The following PKHD1 variants were observed in gnomAD, a reference collection of about 807,000 sequenced individuals.
The protein encoded by PKHD1 is fibrocystin.
Under a neutral mutation model 412.0 loss-of-function variants are expected in PKHD1, and 291 were observed. That is an observed-to-expected ratio of 0.71 (90% CI 0.64 to 0.78). The LOEUF is 0.78. Ranked by LOEUF, PKHD1 falls within the 30% of genes least tolerant of loss-of-function variation. PKHD1 has a pLI of 0.00. For missense variants in PKHD1, 4,825 were observed against 4,950.7 expected, an observed-to-expected ratio of 0.97 and a Z score of 0.76; for synonymous variants, 1,777 against 1,821.5, an observed-to-expected ratio of 0.98 and a Z score of 0.62.
rs757627773 is a variant in PKHD1, at chr6:51,909,339, A to C, written c.6626T>G (p.Leu2209Trp). 2 of 1,613,422 alleles carry C rather than the reference A, an allele frequency of 1.2e-6. No individual in the cohort carries two copies. Among genetic ancestry groups the C allele is most frequent in the Non-Finnish European group, 1.7e-6 (2 of 1,179,650 alleles). The change falls in exon 40 of 67, where the codon TTG becomes TGG. Residue 2209 changes from leucine to tryptophan, a missense_variant. By Grantham distance (61) the Leu-to-Trp change is moderately conservative (BLOSUM62 -2). Transcript: ENST00000371117. ...VQLKGVQFQVLGQAFHKHLSS... is the reference protein window; with the variant it reads ...VQLKGVQFQVWGQAFHKHLSS... ...CAGATGCTTATGGAAGGCTTGCCCC[A>C]AGACTTGAAACTGCACTCCCTTCAA...
At chr6:51,654,061 CA>C (rs1333949829) in intron 61 of PKHD1, among the ~76,000 whole-genome samples, 10 of 152,054 alleles carry the variant, frequency 6.6e-5, no homozygotes, top group Non-Finnish European at 1.2e-4. Context: ...ATTGGTTGCA[CA>C]GGAGTTTTAG....
intron 55 of PKHD1, among the ~76,000 whole-genome samples, chr6:51,758,362 CA>C (rs1180459693): frequency 6.6e-6 from 1 of 152,134 alleles, no homozygotes; most frequent in Non-Finnish European, 1.5e-5. Context: ...GTCTCAGTAT[CA>C]ATAGCCTAGT....
chr6:51,942,005 C>A (rs1444230388), intron 36 of PKHD1, among the ~76,000 whole-genome samples: 1 of 151,658 alleles, frequency 6.6e-6, no homozygotes, highest in Non-Finnish European at 1.5e-5. Flanking sequence ...TCAAACCCCA[C>A]CACCTTCTAC....
At chr6:51,938,745 C>CTCCT (rs1787932396) in intron 36 of PKHD1, among the ~76,000 whole-genome samples, 1 of 151,648 alleles carries the variant, frequency 6.6e-6, no homozygotes, top group African/African-American at 2.4e-5. Context: ...ATCCCCTGTC[C>CTCCT]TCCTGCTCTT....
intron 60 of PKHD1, among the ~76,000 whole-genome samples, chr6:51,678,642 ATG>A (rs893911685): frequency 5.3e-5 from 8 of 152,110 alleles, no homozygotes; most frequent in African/African-American, 1.7e-4. Flanking sequence ...GCCTGTGCAC[ATG>A]TGTCTATGAA....
At chr6:51,992,314 C>A (rs941421193) in intron 35 of PKHD1, among the ~76,000 whole-genome samples, 14 of 152,092 alleles carry the variant, frequency 9.2e-5, no homozygotes, top group African/African-American at 3.1e-4. Flanking sequence ...GTATTGAATA[C>A]CCTAATATGT....
intron 37 of PKHD1, among the ~76,000 whole-genome samples, chr6:51,930,344 CT>C (rs1265061660): frequency 9.0e-6 from 1 of 111,622 alleles, no homozygotes; most frequent in East Asian, 8.0e-4. Flanking sequence ...TCCTCATCTA[CT>C]CTCAAACAGA....
chr6:52,064,432 T>A lies in PKHD1; in HGVS notation c.976+523A>T, dbSNP rs890228111. Among the ~76,000 whole-genome samples, 4 of 152,218 alleles carry A rather than the reference T, an allele frequency of 2.6e-5. No individual in the cohort carries two copies. In the East Asian group the frequency reaches 7.7e-4, roughly 29 times the overall value. ...CCTCCATTTCTGCCCACTTCAGGCA[T>A]AACCTGGTGGCAACATCACAATATA... On this transcript the variant is annotated intron_variant, in intron 13 of 66. Transcript: ENST00000371117.
At chr6:51,740,306 T>C (rs1258609730) in intron 60 of PKHD1, among the ~76,000 whole-genome samples, 3 of 152,208 alleles carry the variant, frequency 2.0e-5, no homozygotes, top group Non-Finnish European at 4.4e-5. Context: ...TGGTTTTTGC[T>C]CCTAATATGA....
chr6:51,748,220 G>A lies in PKHD1; in HGVS notation c.9396C>T (p.Leu3132=). ...AGTTGTCAAGTCCACTTTCCTTATA[G>A]AGATGAAGGCCATGAAGACTTGAAT... is the stretch of plus-strand genomic sequence containing the variant. ...VAHSSLHGLH[L]YKESGLDNCT... The change falls in exon 58 of 67, where the codon CTC becomes CTT. Residue 3132 remains leucine, a synonymous_variant. Coordinates refer to ENST00000371117, the MANE Select transcript of PKHD1 (RefSeq NM_138694.4). The A allele has an allele frequency of 6.2e-7, 1 of 1,614,012 alleles. No individual in the cohort carries two copies. The highest frequency in any genetic ancestry group is 1.3e-5 in the African/African-American group (1 of 75,028).
Position 51,618,867 on chromosome 6 carries a change from T to C in PKHD1, c.*214A>G. 1 of 598,984 alleles carries C rather than the reference T, an allele frequency of 1.7e-6. No individual in the cohort carries two copies. Among genetic ancestry groups the C allele is most frequent in the Non-Finnish European group, 3.0e-6 (1 of 337,762 alleles). The allele number at this position is 598,984 out of a possible 1,614,324, so 37.1% of individuals were successfully genotyped here. On this transcript the variant is annotated 3_prime_UTR_variant, in exon 67 of 67. Transcript: ENST00000371117. ...TGCCATTATTTGCCTAGCATTGAAC[T>C]AGGATCATGATAGCTGCAAAATATG...
chr6:51,823,354 G>A (rs918254914), intron 52 of PKHD1, among the ~76,000 whole-genome samples: 1 of 152,128 alleles, frequency 6.6e-6, no homozygotes. Context: ...TCCTGGGGAC[G>A]TGTGCCCCTC....
intron 60 of PKHD1, among the ~76,000 whole-genome samples, chr6:51,666,714 T>G (rs909659736): frequency 1.7e-5 from 2 of 117,636 alleles, no homozygotes; most frequent in Non-Finnish European, 3.3e-5. Context: ...CCCACAACAG[T>G]CCCCAGAGTG....
At position 51,895,259 on chromosome 6, in the gene PKHD1, G is replaced by A. The variant is rs183751797; in HGVS notation, c.6997-8014C>T. 1.4e-3 allele frequency among the ~76,000 whole-genome samples: 216 copies of A among 152,284 alleles called. 3 individuals carry two copies. Among genetic ancestry groups the A allele is most frequent in the African/African-American group, 4.6e-3 (190 of 41,544 alleles). On this transcript the variant is annotated intron_variant, in intron 43 of 66. Coordinates refer to ENST00000371117, the MANE Select transcript of PKHD1 (RefSeq NM_138694.4). ...ACTTGAGACCAAGAGTTTGAGACTCGCCTAGGGAACACAGGTTTTTTTCAC... is the reference window on the plus strand; with the variant it reads ...ACTTGAGACCAAGAGTTTGAGACTCACCTAGGGAACACAGGTTTTTTTCAC...
intron 60 of PKHD1, among the ~76,000 whole-genome samples, chr6:51,692,374 T>C (rs1351834661): frequency 6.6e-6 from 1 of 152,048 alleles, no homozygotes; most frequent in African/African-American, 2.4e-5. Context: ...CAACTCATCT[T>C]CCATTCATCT....
At chr6:51,818,186 A>G (rs1482122566) in intron 52 of PKHD1, among the ~76,000 whole-genome samples, 1 of 152,212 alleles carries the variant, frequency 6.6e-6, no homozygotes, top group Non-Finnish European at 1.5e-5. Flanking sequence ...ACAGCAGCCC[A>G]ACAAACAGAA....
At chr6:51,966,278 C>T (rs1490404327) in intron 35 of PKHD1, among the ~76,000 whole-genome samples, 1 of 152,094 alleles carries the variant, frequency 6.6e-6, no homozygotes, top group Non-Finnish European at 1.5e-5. Context: ...TTGGTTCCAT[C>T]CAGGACAACT....
chr6:51,903,568 G>T (rs1781595354), intron 43 of PKHD1, 29 bp downstream of exon 43: 4 of 1,600,530 alleles, frequency 2.5e-6, no homozygotes, highest in Non-Finnish European at 3.4e-6. Context: ...TCTCAGTTCT[G>T]GTCTTCCTGG....
chr6:51,969,766 T>C (rs1793384677), intron 35 of PKHD1, among the ~76,000 whole-genome samples: 1 of 151,990 alleles, frequency 6.6e-6, no homozygotes, highest in African/African-American at 2.4e-5. Flanking sequence ...TGTGTATATA[T>C]ATGTGTACAC....
Sources: gnomAD v4.1 joint callset for allele counts (sites outside exome capture counted in the v4.1 genomes callset) on GRCh38, gnomAD v4.1.1 for gene constraint, MANE v1.5 for transcripts, NCBI Gene and HGNC (gene_info 2026-07-23, HGNC 2026-07-21) for gene names.